Variants in AK5 observed in about 807,000 individuals in gnomAD.
AK5 encodes the protein adenylate kinase isoenzyme 5.
A neutral mutation model predicts 69.5 loss-of-function variants in AK5; 27 were observed. The observed-to-expected ratio is 0.39, with a 90% CI of 0.29 to 0.54. AK5 has a LOEUF of 0.54. Among genes scored for constraint, AK5 ranks in the 20% least tolerant of loss-of-function variants. The pLI, the probability that AK5 is intolerant of heterozygous loss-of-function variation, is 0.71. For synonymous variants in AK5, 260 were observed against 244.4 expected, an observed-to-expected ratio of 1.06 and a Z score of -0.60; for missense variants, 531 against 700.4, an observed-to-expected ratio of 0.76 and a Z score of 2.73.
At chr1:77,536,288 C>T (rs984060743) in intron 13 of AK5, among the ~76,000 whole-genome samples, 1 of 152,074 alleles carries the variant, frequency 6.6e-6, no homozygotes, top group East Asian at 1.9e-4. Flanking sequence ...TAGTGAGACC[C>T]CTGCCTCTGC....
At chr1:77,505,731 A>T (rs1557642074) in intron 10 of AK5, among the ~76,000 whole-genome samples, 1 of 151,386 alleles carries the variant, frequency 6.6e-6, no homozygotes, top group Non-Finnish European at 1.5e-5. Flanking sequence ...AAAAAAAAAA[A>T]AACAAAAATT....
At chr1:77,424,943 C>T (rs574397280) in intron 8 of AK5, among the ~76,000 whole-genome samples, 12 of 152,216 alleles carry the variant, frequency 7.9e-5, no homozygotes, top group South Asian at 6.2e-4. Flanking sequence ...GCAAGATAAA[C>T]GCCCCAAAAC....
At chr1:77,522,387 G>A (rs1349872344) in intron 12 of AK5, among the ~76,000 whole-genome samples, 1 of 152,138 alleles carries the variant, frequency 6.6e-6, no homozygotes, top group Non-Finnish European at 1.5e-5. Context: ...AGGCCGAGAG[G>A]GAAGAAGAGG....
intron 6 of AK5, among the ~76,000 whole-genome samples, chr1:77,349,043 C>CA (rs1007459205): frequency 5.3e-5 from 8 of 151,348 alleles, no homozygotes; most frequent in South Asian, 2.1e-4. Context: ...GTCCCCCCTC[C>CA]AAAAAAAAGA....
chr1:77,325,605 A>C (rs1371412917), intron 5 of AK5, among the ~76,000 whole-genome samples: 1 of 152,082 alleles, frequency 6.6e-6, no homozygotes, highest in Non-Finnish European at 1.5e-5. Context: ...TACCTCTGTT[A>C]CACCCTGTGC....
Position 77,351,628 on chromosome 1 carries a change from T to C in AK5, c.891+11060T>C, listed in dbSNP as rs1408509058. Reference sequence around the variant, plus strand: ...GAAAAAAGGTGAGATAGTAAAGGGCTGGGAAGCCACAGCTATTGCCTTTCT... The same window carrying C: ...GAAAAAAGGTGAGATAGTAAAGGGCCGGGAAGCCACAGCTATTGCCTTTCT... On this transcript the variant is annotated intron_variant, in intron 6 of 13. Transcript: ENST00000354567. Among the ~76,000 whole-genome samples the C allele has an allele frequency of 3.9e-5, 6 of 152,278 alleles. No individual in the cohort carries two copies. In the East Asian group the frequency reaches 1.2e-3, roughly 30 times the overall value.
intron 6 of AK5, among the ~76,000 whole-genome samples, chr1:77,345,348 A>G (rs1432452988): frequency 6.6e-6 from 1 of 152,208 alleles, no homozygotes; most frequent in South Asian, 2.1e-4. Flanking sequence ...AGAGGCTGAA[A>G]AAAGGTTAAA....
chr1:77,350,612 T>G (rs1432307527), intron 6 of AK5, among the ~76,000 whole-genome samples: 1 of 152,200 alleles, frequency 6.6e-6, no homozygotes, highest in Non-Finnish European at 1.5e-5. Flanking sequence ...AAGGTTTTAC[T>G]TCTCCATATG....
chr1:77,521,433 C>T (rs1657977445), intron 11 of AK5, among the ~76,000 whole-genome samples: 1 of 152,154 alleles, frequency 6.6e-6, no homozygotes, highest in Non-Finnish European at 1.5e-5. Flanking sequence ...CGCACCCGGC[C>T]AGTAAAATAC....
intron 10 of AK5, among the ~76,000 whole-genome samples, chr1:77,506,015 G>A (rs1657002808): frequency 6.6e-6 from 1 of 152,148 alleles, no homozygotes; most frequent in South Asian, 2.1e-4. Context: ...AGGAAAAATG[G>A]TGTGTTTAAA....
At chr1:77,480,654 G>A (rs1376443343) in intron 8 of AK5, among the ~76,000 whole-genome samples, 2 of 152,130 alleles carry the variant, frequency 1.3e-5, no homozygotes, top group Non-Finnish European at 2.9e-5. Flanking sequence ...ACATTACCTA[G>A]ATAGATTCAA....
chr1:77,396,714 T>C (rs1236251739), intron 6 of AK5, among the ~76,000 whole-genome samples: 3 of 152,234 alleles, frequency 2.0e-5, no homozygotes, highest in Non-Finnish European at 2.9e-5. Flanking sequence ...AGAGCTGAAA[T>C]AGCTTAATGC....
At chr1:77,362,935 T>C (rs1646889951) in intron 6 of AK5, among the ~76,000 whole-genome samples, 1 of 152,210 alleles carries the variant, frequency 6.6e-6, no homozygotes, top group Non-Finnish European at 1.5e-5. Flanking sequence ...TAAGGATAAG[T>C]GTTTATGAAG....
At chr1:77,362,384 G>T (rs113302946) in intron 6 of AK5, among the ~76,000 whole-genome samples, 1 of 151,890 alleles carries the variant, frequency 6.6e-6, no homozygotes, top group Admixed American at 6.6e-5. Context: ...CTTTAAAACC[G>T]CCATTATCTG....
chr1:77,368,085 A>T (rs1433540253), intron 6 of AK5, among the ~76,000 whole-genome samples: 2 of 137,044 alleles, frequency 1.5e-5, no homozygotes, highest in Non-Finnish European at 3.1e-5. Flanking sequence ...GATGGAAAAA[A>T]TACTAAGTCT....
At chr1:77,541,189 G>A (rs1381229671) in intron 13 of AK5, among the ~76,000 whole-genome samples, 1 of 152,162 alleles carries the variant, frequency 6.6e-6, no homozygotes, top group Non-Finnish European at 1.5e-5. Context: ...TTACAGGCGT[G>A]AGCTACCACG....
chr1:77,288,703 A>C (rs181396936), intron 2 of AK5, among the ~76,000 whole-genome samples: 1 of 152,346 alleles, frequency 6.6e-6, no homozygotes, highest in African/African-American at 2.4e-5. Context: ...AAGTAATGAG[A>C]TGTCTGAAAC....
At chr1:77,375,584 T>G (rs927885143) in intron 6 of AK5, among the ~76,000 whole-genome samples, 1 of 152,168 alleles carries the variant, frequency 6.6e-6, no homozygotes, top group Admixed American at 6.5e-5. Flanking sequence ...ACAAATGTTT[T>G]GATGGACTGG....
chr1:77,417,117 G>A (rs1041712420), intron 7 of AK5, among the ~76,000 whole-genome samples: 2 of 152,054 alleles, frequency 1.3e-5, no homozygotes, highest in Non-Finnish European at 2.9e-5. Context: ...GAAGGCTTGA[G>A]GAAAAACTCG....
Sources: allele counts gnomAD v4.1 joint callset (sites outside exome capture counted in the v4.1 genomes callset), GRCh38; gene constraint gnomAD v4.1.1; transcripts MANE v1.5; gene names NCBI Gene and HGNC (gene_info 2026-07-23, HGNC 2026-07-21).